The following CMC2 variants were observed in gnomAD, a reference collection of about 807,000 sequenced individuals.
CMC2 encodes COX assembly mitochondrial protein 2 homolog.
A neutral mutation model predicts 7.5 loss-of-function variants in CMC2; 5 were observed. The ratio of observed to expected loss-of-function variants is 0.66; its 90% CI spans 0.35 to 1.40. The LOEUF is 1.40. Ranked by LOEUF, CMC2 falls within the 40% of genes most tolerant of loss-of-function variation. CMC2 has a pLI of 0.04. For missense variants in CMC2, 115 were observed against 92.3 expected (o/e 1.25, Z -1.01); for synonymous variants, 37 against 31.4 (o/e 1.18, Z -0.60).
chr16:80,985,235 A>T lies in CMC2; in HGVS notation c.82-3358T>A, dbSNP rs865899392. On this transcript the variant is annotated intron_variant, in intron 2 of 3. Transcript: ENST00000219400. ...ACCTTTTCAGGGAAGGTACAAGGTC[A>T]AAACTATCTTCTCAATAATACAAAA... is the stretch of plus-strand genomic sequence containing the variant. 2.6e-5 allele frequency among the ~76,000 whole-genome samples: 4 copies of T among 152,348 alleles called. No individual in the cohort carries two copies. In the South Asian group the frequency reaches 8.3e-4, roughly 32 times the overall value.
Position 80,969,750 on chromosome 16 carries a change from C to A in CMC2, c.*6343G>T, listed in dbSNP as rs1272465477. The stretch of plus-strand genomic sequence containing the variant: ...TAAAAGGACAAAAAAATTAGCCGGG[C>A]ATCATGGTGCATGCCTGTAATCCCA... On this transcript the variant is annotated 3_prime_UTR_variant, in exon 4 of 4. Transcript: ENST00000219400. 6.6e-6 allele frequency: 1 copy of A among 152,178 alleles called. No homozygotes were observed. The highest frequency in any genetic ancestry group is 2.4e-5 in the African/African-American group (1 of 41,406). 9.4% of individuals were successfully genotyped at this position (152,178 alleles called of 1,614,324 possible). A position where few individuals can be genotyped will look rare whatever the true frequency, so the allele number is the denominator to read the frequency against.
rs555603095 is a variant in CMC2, at chr16:80,978,904, G to A, written c.154-2725C>T. Among the ~76,000 whole-genome samples the A allele has an allele frequency of 2.3e-4, 35 of 151,908 alleles. 1 individual carries two copies. The highest frequency in any genetic ancestry group is 4.6e-4 in the Admixed American group (7 of 15,262). Reference sequence around the variant, plus strand: ...AGACCATCCTAGCTAACACGGTGAAGCCCCGTCTCTACTAAAAATACAAAA... The same window carrying A: ...AGACCATCCTAGCTAACACGGTGAAACCCCGTCTCTACTAAAAATACAAAA... On this transcript the variant is annotated intron_variant, in intron 3 of 3. Coordinates refer to ENST00000219400, the MANE Select transcript of CMC2 (RefSeq NM_020188.5).
chr16:80,980,695 G>C, intron 3 of CMC2: 1 of 562,338 alleles, frequency 1.8e-6, no homozygotes. Flanking sequence ...TTTGAGACCA[G>C]CCTGGCCAAA....
At chr16:80,988,734 C>CA in intron 2 of CMC2, 2 of 526,194 alleles carry the variant, frequency 3.8e-6, no homozygotes, top group South Asian at 2.7e-5. Flanking sequence ...ATGCAAAAGG[C>CA]AAAAAAAGTT....
At chr16:81,005,903 A>C (rs912044076) in intron 1 of CMC2, among the ~76,000 whole-genome samples, 3 of 152,222 alleles carry the variant, frequency 2.0e-5, no homozygotes, top group African/African-American at 7.2e-5. Flanking sequence ...GTAAATGCCC[A>C]ATCGATGTTC....
intron 2 of CMC2, among the ~76,000 whole-genome samples, chr16:80,990,945 T>C (rs1967945982): frequency 6.6e-6 from 1 of 151,942 alleles, no homozygotes. Flanking sequence ...CATGTAGGTC[T>C]TGAACTCCTG....
intron 2 of CMC2, among the ~76,000 whole-genome samples, chr16:80,990,723 T>C (rs528503675): frequency 6.3e-4 from 96 of 152,246 alleles, no homozygotes; most frequent in African/African-American, 2.2e-3. Flanking sequence ...AGAAATTTTT[T>C]TTTCTTCTTT....
intron 2 of CMC2, among the ~76,000 whole-genome samples, chr16:80,986,526 T>C (rs969563147): frequency 5.3e-5 from 8 of 150,672 alleles, no homozygotes; most frequent in South Asian, 2.1e-4. Flanking sequence ...GGGTGGAAAA[T>C]TGATTTAAAC....
intron 2 of CMC2, chr16:80,982,681 A>G (rs1208325140): frequency 2.0e-5 from 3 of 152,202 alleles, no homozygotes; most frequent in Non-Finnish European, 2.9e-5. Context: ...ACATAAAGAT[A>G]TATCAAATCA....
At chr16:80,995,170 T>C (rs1043941868) in intron 2 of CMC2, among the ~76,000 whole-genome samples, 8 of 151,994 alleles carry the variant, frequency 5.3e-5, no homozygotes, top group African/African-American at 1.9e-4. Flanking sequence ...TGTGCATGAA[T>C]GTTCATAGCA....
At chr16:80,997,237 A>G (rs1968498027) in intron 2 of CMC2, 77 bp downstream of exon 2, 7 of 837,926 alleles carry the variant, frequency 8.4e-6, no homozygotes, top group South Asian at 5.4e-5. Flanking sequence ...CCTTCTATCA[A>G]CGGAGATAAC....
chr16:80,984,982 G>C (rs1242781143), intron 2 of CMC2, among the ~76,000 whole-genome samples: 1 of 152,150 alleles, frequency 6.6e-6, no homozygotes, highest in Non-Finnish European at 1.5e-5. Context: ...TCAATTTCTT[G>C]AGAACCAAAC....
At chr16:80,981,976 T>A in intron 2 of CMC2, 99 bp from the exon 3 acceptor site, 1 of 657,174 alleles carries the variant, frequency 1.5e-6, no homozygotes, top group Non-Finnish European at 2.6e-6. Flanking sequence ...GTTTACAGTG[T>A]CACTTTGTTA....
At chr16:81,000,063 G>A (rs1878534349) in intron 1 of CMC2, among the ~76,000 whole-genome samples, 1 of 151,996 alleles carries the variant, frequency 6.6e-6, no homozygotes, top group African/African-American at 2.4e-5. Flanking sequence ...TCTCAAAACA[G>A]CAAAAGAAAC....
At chr16:80,991,085 G>A (rs1486705099) in intron 2 of CMC2, among the ~76,000 whole-genome samples, 1 of 151,376 alleles carries the variant, frequency 6.6e-6, no homozygotes, top group East Asian at 1.9e-4. Flanking sequence ...GGCCAAAGCT[G>A]GAACAATTTG....
At chr16:80,998,094 G>A (rs865803231) in intron 1 of CMC2, 1 of 143,382 alleles carries the variant, frequency 7.0e-6, no homozygotes, top group African/African-American at 2.5e-5. Flanking sequence ...AACATCATGG[G>A]CAGCTGTTCT....
chr16:80,985,914 AAAAAC>A, intron 2 of CMC2, among the ~76,000 whole-genome samples: 1 of 151,722 alleles, frequency 6.6e-6, no homozygotes, highest in African/African-American at 2.4e-5. Flanking sequence ...AAAAAAAAAA[AAAAAC>A]CACAGGAATG....
intron 2 of CMC2, among the ~76,000 whole-genome samples, chr16:80,985,272 G>C (rs1236835489): frequency 2.0e-5 from 3 of 152,130 alleles, no homozygotes; most frequent in African/African-American, 4.8e-5. Context: ...CATTTGTTTT[G>C]TTCATTTTCA....
In CMC2 at chr16:80,973,892, ATTAC is replaced by A. The variant is rs1408555727; in HGVS notation, c.*2197_*2200del. ...ATATCCCATAAAAACGTACTCATAT[ATTAC>A]TTATAAAATTTTTAAGAATGAACTT... On this transcript the variant is annotated 3_prime_UTR_variant, in exon 4 of 4. Transcript: ENST00000219400. 1.3e-5 allele frequency: 2 copies of A among 152,184 alleles called. No individual in the cohort carries two copies. Among genetic ancestry groups the A allele is most frequent in the African/African-American group, 4.8e-5 (2 of 41,438 alleles). The allele number at this position is 152,184 out of a possible 1,614,324, so 9.4% of individuals were successfully genotyped here.
Sources: allele counts gnomAD v4.1 joint callset (sites outside exome capture counted in the v4.1 genomes callset), GRCh38; gene constraint gnomAD v4.1.1; transcripts MANE v1.5; gene names NCBI Gene and HGNC (gene_info 2026-07-23, HGNC 2026-07-21).